The following KALRN variants were observed in gnomAD, a reference collection of about 807,000 sequenced individuals.
KALRN encodes kalirin.
KALRN carries 70 observed loss-of-function variants against 353.7 expected under a neutral mutation model. The observed-to-expected ratio is 0.20, with a 90% CI of 0.16 to 0.24. The LOEUF is 0.24. Ranked by LOEUF, KALRN falls within the 10% of genes least tolerant of loss-of-function variation. The probability of loss-of-function intolerance (pLI) is 1.00; values close to 1 mark genes in which losing one functional copy is unlikely to be tolerated. For missense variants in KALRN, 2,791 were observed against 3,756.7 expected, an observed-to-expected ratio of 0.74 and a Z score of 6.72; for synonymous variants, 1,391 against 1,434.8, an observed-to-expected ratio of 0.97 and a Z score of 0.69.
intron 33 of KALRN, chr3:124,518,264 A>T: frequency 1.3e-6 from 1 of 765,798 alleles, no homozygotes; most frequent in Non-Finnish European, 2.3e-6. Flanking sequence ...TTCAGGTTGC[A>T]CTCTGCACTG....
chr3:124,701,361 T>G (rs905573163), intron 56 of KALRN, among the ~76,000 whole-genome samples: 3 of 151,576 alleles, frequency 2.0e-5, no homozygotes, highest in Admixed American at 1.3e-4. Flanking sequence ...GATAAGAAGA[T>G]AATTTTTTCT....
Position 124,671,983 on chromosome 3 carries a change from C to T in KALRN, c.6942+85C>T. On this transcript the variant is annotated intron_variant, in intron 48 of 59. Coordinates refer to ENST00000682506, the MANE Select transcript of KALRN (RefSeq NM_001388419.1). Reference sequence around the variant, plus strand: ...CTTTAGGAAGAGAAGGAGTCTCGGTCTGTCATCCAGGCTGGAGTGCAATGG... The same window carrying T: ...CTTTAGGAAGAGAAGGAGTCTCGGTTTGTCATCCAGGCTGGAGTGCAATGG... 3 of 1,051,458 alleles carry T rather than the reference C, an allele frequency of 2.9e-6. No individual in the cohort carries two copies. The South Asian group carries it at 4.2e-5, about 15-fold the overall frequency. The allele number at this position is 1,051,458 out of a possible 1,614,324, so 65.1% of individuals were successfully genotyped here. A position where few individuals can be genotyped will look rare whatever the true frequency, so the allele number is the denominator to read the frequency against.
At chr3:124,252,772 T>C (rs1024715976) in intron 3 of KALRN, among the ~76,000 whole-genome samples, 1 of 152,188 alleles carries the variant, frequency 6.6e-6, no homozygotes, top group Non-Finnish European at 1.5e-5. Flanking sequence ...AGACAGCTGG[T>C]GGAGAACAGT....
chr3:124,162,420 A>C (rs532331622), intron 1 of KALRN: 8 of 152,292 alleles, frequency 5.3e-5, no homozygotes, highest in African/African-American at 1.9e-4. Context: ...ATTCACAAAG[A>C]AAAAAAGCAA....
chr3:124,249,099 T>G (rs2070754617), intron 3 of KALRN, among the ~76,000 whole-genome samples: 1 of 152,256 alleles, frequency 6.6e-6, no homozygotes. Context: ...TTGGGAAGAT[T>G]GCACATTGGT....
At chr3:124,310,542 G>A (rs776920076) in intron 6 of KALRN, among the ~76,000 whole-genome samples, 6 of 152,268 alleles carry the variant, frequency 3.9e-5, no homozygotes, top group Non-Finnish European at 5.9e-5. Flanking sequence ...TTAAGACAAT[G>A]TGATACTGGC....
At chr3:124,456,549 C>A in intron 22 of KALRN, 61 bp from the exon 23 acceptor site, 2 of 1,206,732 alleles carry the variant, frequency 1.7e-6, no homozygotes, top group Non-Finnish European at 1.2e-6. Flanking sequence ...CCTCCCTCAA[C>A]TCCAGTGAGT....
At chr3:124,535,956 G>A (rs1050244129) in intron 33 of KALRN, among the ~76,000 whole-genome samples, 3 of 152,086 alleles carry the variant, frequency 2.0e-5, no homozygotes, top group Non-Finnish European at 2.9e-5. Context: ...AGGTTGGAAG[G>A]GAAGGGAAAA....
chr3:124,573,914 G>A (rs1043536405), intron 34 of KALRN, among the ~76,000 whole-genome samples: 3 of 152,144 alleles, frequency 2.0e-5, no homozygotes, highest in Admixed American at 6.5e-5. Flanking sequence ...TGTACCTCTG[G>A]CACCTCTCCA....
chr3:124,428,790 A>T (rs902737408), intron 15 of KALRN, among the ~76,000 whole-genome samples: 7 of 152,200 alleles, frequency 4.6e-5, no homozygotes, highest in African/African-American at 1.7e-4. Flanking sequence ...GTAAGTAGGG[A>T]TCCCACCACC....
At chr3:124,101,686 C>T (rs938853799) in intron 1 of KALRN, among the ~76,000 whole-genome samples, 2 of 152,192 alleles carry the variant, frequency 1.3e-5, no homozygotes, top group African/African-American at 4.8e-5. Flanking sequence ...CTCACCATGC[C>T]TGCAGCCTTT....
At chr3:124,241,163 A>G (rs554689998) in intron 3 of KALRN, among the ~76,000 whole-genome samples, 1 of 152,238 alleles carries the variant, frequency 6.6e-6, no homozygotes, top group East Asian at 1.9e-4. Context: ...CTTCCCCCAA[A>G]AATAACACTG....
chr3:124,152,577 CTTTCTTTCTTTCTTTCT>C, intron 1 of KALRN: 1 of 560,800 alleles, frequency 1.8e-6, no homozygotes, highest in Non-Finnish European at 3.0e-6. Context: ...CTTTTCTTTT[CTTTCTTTCTTTCTTTCT>C]TTTTTTTTTT....
At chr3:124,620,378 A>G (rs536192764) in intron 34 of KALRN, among the ~76,000 whole-genome samples, 3 of 152,310 alleles carry the variant, frequency 2.0e-5, no homozygotes, top group East Asian at 3.9e-4. Flanking sequence ...TGCTGGGATT[A>G]TAGGCATGAG....
chr3:124,098,295 C>T (rs1303518315), intron 1 of KALRN, among the ~76,000 whole-genome samples: 1 of 152,180 alleles, frequency 6.6e-6, no homozygotes, highest in East Asian at 1.9e-4. Flanking sequence ...TCTGTTTTCC[C>T]CGATGCCTGC....
At chr3:124,126,276 T>C (rs2064661067) in intron 1 of KALRN, among the ~76,000 whole-genome samples, 1 of 152,172 alleles carries the variant, frequency 6.6e-6, no homozygotes, top group Non-Finnish European at 1.5e-5. Context: ...GATTTTTCAG[T>C]AGGATTCCTT....
chr3:124,478,373 G>T (rs950991822), intron 27 of KALRN, among the ~76,000 whole-genome samples: 1 of 152,196 alleles, frequency 6.6e-6, no homozygotes, highest in African/African-American at 2.4e-5. Flanking sequence ...TTTAAACATG[G>T]TCCTTGTACT....
At chr3:124,655,770 T>C in intron 39 of KALRN, 103 bp downstream of exon 39, 2 of 763,958 alleles carry the variant, frequency 2.6e-6, no homozygotes, top group Non-Finnish European at 4.7e-6. Flanking sequence ...TGTACTTTAC[T>C]GTCTGAGCAC....
intron 1 of KALRN, among the ~76,000 whole-genome samples, chr3:124,222,489 G>C (rs553388997): frequency 1.0e-3 from 155 of 152,324 alleles, no homozygotes; most frequent in African/African-American, 3.5e-3. Context: ...CCAGGCTACA[G>C]CATGCTTTTC....
Sources: allele counts gnomAD v4.1 joint callset (sites outside exome capture counted in the v4.1 genomes callset), GRCh38; gene constraint gnomAD v4.1.1; transcripts MANE v1.5; gene names NCBI Gene and HGNC (gene_info 2026-07-23, HGNC 2026-07-21).